Variants in NOS2 observed in about 807,000 individuals in gnomAD.
The protein encoded by NOS2 is nitric oxide synthase 2.
A neutral mutation model predicts 136.0 loss-of-function variants in NOS2; 96 were observed. The ratio of observed to expected loss-of-function variants is 0.71; its 90% CI spans 0.60 to 0.84. The LOEUF (loss-of-function observed/expected upper bound fraction) is 0.84. NOS2 is among the 40% of genes least tolerant of loss of function. The pLI is 0.00. For missense variants in NOS2, 1,237 were observed against 1,496.9 expected (o/e 0.83, Z 2.87); for synonymous variants, 539 against 587.5 (o/e 0.92, Z 1.20).
chr17:27,788,485 T>G (rs991597378), intron 4 of NOS2, among the ~76,000 whole-genome samples: 3 of 152,210 alleles, frequency 2.0e-5, no homozygotes, highest in African/African-American at 4.8e-5. Flanking sequence ...TACCTCCTGA[T>G]GTAATACAGT....
rs369096836 is a variant in NOS2, at chr17:27,778,034, C to CAA, written c.1281+654_1281+655dup. Among the ~76,000 whole-genome samples, 26 of 117,464 alleles carry CAA rather than the reference C, an allele frequency of 2.2e-4. No individual in the cohort carries two copies. In the East Asian group the frequency reaches 5.3e-3, roughly 24 times the overall value. 77.1% of individuals were successfully genotyped at this position (117,464 alleles called of 152,430 possible). A position where few individuals can be genotyped will look rare whatever the true frequency, so the allele number is the denominator to read the frequency against. On this transcript the variant is annotated intron_variant, in intron 11 of 26. Transcript: ENST00000313735. ...TGGGTGACCGAGTGAGATGATGTCT[C>CAA]AAAAAAAAAAAAAGGAAAAGAAAGA...
rs924637953 is a variant in NOS2, at chr17:27,777,471, G to A, written c.1281+1219C>T. Reference sequence around the variant, plus strand: ...CAGCGGCTGTGTGTGGGCTTAAGAGGAGGTGGAGGTTGTTATCCTCGCACA... The same window carrying A: ...CAGCGGCTGTGTGTGGGCTTAAGAGAAGGTGGAGGTTGTTATCCTCGCACA... On this transcript the variant is annotated intron_variant, in intron 11 of 26. Transcript: ENST00000313735. Among the ~76,000 whole-genome samples, 55 of 152,296 alleles carry A rather than the reference G, an allele frequency of 3.6e-4. 1 individual carries two copies. The highest frequency in any genetic ancestry group is 1.3e-3 in the African/African-American group (52 of 41,566).
chr17:27,768,314 G>A (rs1374822780), intron 17 of NOS2, among the ~76,000 whole-genome samples: 1 of 152,180 alleles, frequency 6.6e-6, no homozygotes, highest in African/African-American at 2.4e-5. Context: ...GCCTCCTAAA[G>A]TGCTTGGATT....
At chr17:27,779,096 T>C (rs1908757805) in intron 9 of NOS2, 40 bp from the exon 10 acceptor site, 1 of 1,341,710 alleles carries the variant, frequency 7.5e-7, no homozygotes. Context: ...GGGCCTTCCT[T>C]ATTTTTATTT....
chr17:27,788,289 A>G (rs1216638178), intron 4 of NOS2, among the ~76,000 whole-genome samples: 1 of 152,064 alleles, frequency 6.6e-6, no homozygotes, highest in Non-Finnish European at 1.5e-5. Context: ...TTTTGCTTTC[A>G]TGGTCCTGAA....
At chr17:27,770,823 TC>T in intron 15 of NOS2, 89 bp downstream of exon 15, 1 of 896,144 alleles carries the variant, frequency 1.1e-6, no homozygotes, top group Non-Finnish European at 1.8e-6. Context: ...CCAAATGTCC[TC>T]CGTAGGACCT....
intron 26 of NOS2, among the ~76,000 whole-genome samples, chr17:27,758,524 G>A (rs540658328): frequency 5.3e-5 from 8 of 152,316 alleles, no homozygotes; most frequent in Admixed American, 4.6e-4. Context: ...AGGTTCACAC[G>A]AGGCTGACGG....
chr17:27,779,622 T>C (rs563899316), intron 9 of NOS2, among the ~76,000 whole-genome samples: 11 of 152,346 alleles, frequency 7.2e-5, no homozygotes, highest in African/African-American at 2.4e-4. Context: ...TATGCATTCA[T>C]GCACTCATTC....
In NOS2 at chr17:27,761,134, G is replaced by A. The variant is rs200387756; in HGVS notation, c.2888+10C>T. ...GGCCCCACAGGGGACAGAGTGGAAG[G>A]GGTGCTTACTTCCGCACAAAGCAGG... is the stretch of plus-strand genomic sequence containing the variant. On this transcript the variant is annotated intron_variant, in intron 23 of 26. Coordinates refer to ENST00000313735, the MANE Select transcript of NOS2 (RefSeq NM_000625.4). 2.5e-6 allele frequency: 4 copies of A among 1,578,456 alleles called. No individual in the cohort carries two copies. The highest frequency in any genetic ancestry group is 2.3e-5 in the East Asian group (1 of 44,148).
chr17:27,795,667 T>A (rs1158059576), intron 2 of NOS2, among the ~76,000 whole-genome samples: 1 of 152,348 alleles, frequency 6.6e-6, no homozygotes, highest in South Asian at 2.1e-4. Flanking sequence ...TGAAAATTAC[T>A]TTAACTTTCT....
chr17:27,779,859 C>A (rs1001411350), intron 9 of NOS2, among the ~76,000 whole-genome samples: 1 of 152,132 alleles, frequency 6.6e-6, no homozygotes, highest in African/African-American at 2.4e-5. Flanking sequence ...TATTATAAAG[C>A]TAGTAATATC....
rs1355151693 is a variant in NOS2 at position 27,758,309 on chromosome 17, C to T, written c.3354+572G>A. Reference sequence around the variant, plus strand: ...TTACTGCTGTGGTCCCCGTAGGCCCCCTTCCCTCTGTAAAAGGGGGTGCCT... The same window carrying T: ...TTACTGCTGTGGTCCCCGTAGGCCCTCTTCCCTCTGTAAAAGGGGGTGCCT... On this transcript the variant is annotated intron_variant, in intron 26 of 26. Coordinates refer to ENST00000313735, the MANE Select transcript of NOS2 (RefSeq NM_000625.4). 2.0e-5 allele frequency among the ~76,000 whole-genome samples: 3 copies of T among 152,138 alleles called. No homozygotes were observed. The East Asian group carries it at 5.8e-4, about 29-fold the overall frequency.
In NOS2 at chr17:27,778,769, A is replaced by T. The variant is rs372715939; in HGVS notation, c.1202T>A (p.Leu401Gln). Residue 401 changes from leucine (L) to glutamine (Q), a missense_variant, in exon 11 of 27, where the codon CTG becomes CAG. Around this residue, in one of 3 missense-constraint regions of NOS2, gnomAD observed 440 missense variants for 545.4 expected, o/e 0.81. Transcript: ENST00000313735. Reference sequence around the variant, plus strand: ...GAGCGAGGCCAGCTTGTGCGTTTCCAGGCCCATTCTCCTGCCCACTTCCTA... The same window carrying T: ...GAGCGAGGCCAGCTTGTGCGTTTCCTGGCCCATTCTCCTGCCCACTTCCTA... Reference protein sequence around the residue: ...ILEEVGRRMGLETHKLASLWK... With the variant: ...ILEEVGRRMGQETHKLASLWK... 3 of 1,614,176 alleles carry T rather than the reference A, an allele frequency of 1.9e-6. No individual in the cohort carries two copies. The highest frequency in any genetic ancestry group is 2.5e-6 in the Non-Finnish European group (3 of 1,180,036).
chr17:27,776,677 GAAA>G (rs34069634), intron 11 of NOS2, among the ~76,000 whole-genome samples: 23,129 of 78,092 alleles, frequency 0.3, 1,888 homozygotes, highest in Middle Eastern at 0.42. Flanking sequence ...ATCTCCAAAG[GAAA>G]AAAAAAAAAA....
At position 27,768,961 on chromosome 17, in the gene NOS2, C is replaced by G; in HGVS notation, c.2034+16G>C. On this transcript the variant is annotated intron_variant, in intron 17 of 26. Transcript: ENST00000313735. The stretch of plus-strand genomic sequence containing the variant: ...GTCATGTCCCTGCTGTGGGGCAGCT[C>G]TGGCTGGGAACTGACCTTGAAGGTT... 1 of 1,582,232 alleles carries G rather than the reference C, an allele frequency of 6.3e-7. No individual in the cohort carries two copies. The highest frequency in any genetic ancestry group is 8.6e-7 in the Non-Finnish European group (1 of 1,163,458).
rs148424059 is a variant in NOS2, at chr17:27,783,851, G to A, written c.468-745C>T. 3.1e-3 allele frequency among the ~76,000 whole-genome samples: 473 copies of A among 152,258 alleles called. 4 individuals are homozygous for A. The highest frequency in any genetic ancestry group is 0.01 in the African/African-American group (431 of 41,520). On this transcript the variant is annotated intron_variant, in intron 5 of 26. Coordinates refer to ENST00000313735, the MANE Select transcript of NOS2 (RefSeq NM_000625.4). ...CGTGACCTTCCATCTTCCACCCTAC[G>A]GGGACAGTAAGCCCAAAGATGTTGA...
chr17:27,784,982 G>A (rs1908975522), intron 5 of NOS2, among the ~76,000 whole-genome samples: 1 of 152,174 alleles, frequency 6.6e-6, no homozygotes, highest in African/African-American at 2.4e-5. Flanking sequence ...GCCCTGCTGG[G>A]CTTCTGAACA....
At chr17:27,769,399 T>C in intron 16 of NOS2, 136 bp downstream of exon 16, 1 of 809,952 alleles carries the variant, frequency 1.2e-6, no homozygotes, top group Non-Finnish European at 2.1e-6. Flanking sequence ...ACATTCTGAG[T>C]ACAGACCTTA....
Position 27,770,884 on chromosome 17 carries a change from C to A in NOS2, c.1809+29G>T, listed in dbSNP as rs770409936. 11 of 1,572,220 alleles carry A rather than the reference C, an allele frequency of 7.0e-6. No homozygotes were observed. In the South Asian group the frequency reaches 1.1e-4, roughly 16 times the overall value. On this transcript the variant is annotated intron_variant, in intron 15 of 26. Transcript: ENST00000313735. Reference sequence around the variant, plus strand: ...GGGTCCTCCCGTGCCCTACCACCCCCTAGACCAGCCAGACCTCAAGCCACC... The same window carrying A: ...GGGTCCTCCCGTGCCCTACCACCCCATAGACCAGCCAGACCTCAAGCCACC...
Sources: gnomAD v4.1 joint callset for allele counts (sites outside exome capture counted in the v4.1 genomes callset) on GRCh38, gnomAD v4.1.1 for gene constraint, gnomAD v4.1.1 regional missense constraint, MANE v1.5 for transcripts, NCBI Gene and HGNC (gene_info 2026-07-23, HGNC 2026-07-21) for gene names.